Variants in ADAMTSL1 observed in about 807,000 individuals in gnomAD.
ADAMTSL1 encodes ADAMTS like 1.
ADAMTSL1 carries 126 observed loss-of-function variants against 201.8 expected under a neutral mutation model. That is an observed-to-expected ratio of 0.62 (90% CI 0.54 to 0.72). ADAMTSL1 has a LOEUF of 0.72. Among genes scored for constraint, ADAMTSL1 ranks in the 30% least tolerant of loss-of-function variants. The probability of loss-of-function intolerance (pLI) is 0.00; values close to 1 mark genes in which losing one functional copy is unlikely to be tolerated. For synonymous variants in ADAMTSL1, 1,121 were observed against 903.4 expected, an observed-to-expected ratio of 1.24 and a Z score of -4.32; for missense variants, 2,679 against 2,277.8, an observed-to-expected ratio of 1.18 and a Z score of -3.59.
intron 2 of ADAMTSL1, among the ~76,000 whole-genome samples, chr9:18,262,815 A>G (rs1369278777): frequency 6.6e-6 from 1 of 152,246 alleles, no homozygotes; most frequent in East Asian, 1.9e-4. Context: ...GACTATATGG[A>G]ATGTTCAAAT....
intron 1 of ADAMTSL1, among the ~76,000 whole-genome samples, chr9:18,127,922 G>C (rs188226046): frequency 6.6e-6 from 1 of 152,300 alleles, no homozygotes; most frequent in Admixed American, 6.5e-5. Context: ...CATGTAGCAT[G>C]TTAAGATAGG....
intron 16 of ADAMTSL1, among the ~76,000 whole-genome samples, chr9:18,762,039 T>G (rs1220466405): frequency 6.6e-6 from 1 of 152,246 alleles, no homozygotes; most frequent in African/African-American, 2.4e-5. Flanking sequence ...GTTTTACATC[T>G]TTTTAACATC....
rs151202001 is a variant in ADAMTSL1 at position 18,060,691 on chromosome 9, C to G, written c.88-103171C>G. ...CTACTGATTTTAGTCAGGTTAACTA[C>G]TATTAATAATTCGTCTCACCACTGC... On this transcript the variant is annotated intron_variant, in intron 1 of 29. Transcript: ENST00000680146. 4.8e-3 allele frequency among the ~76,000 whole-genome samples: 735 copies of G among 152,290 alleles called. 11 individuals are homozygous for G. Among genetic ancestry groups the G allele is most frequent in the African/African-American group, 0.017 (703 of 41,574 alleles).
intron 2 of ADAMTSL1, among the ~76,000 whole-genome samples, chr9:18,369,052 G>A (rs1836917096): frequency 6.6e-6 from 1 of 152,150 alleles, no homozygotes; most frequent in African/African-American, 2.4e-5. Flanking sequence ...AAAGGAACTG[G>A]AACTGTGTAA....
At chr9:18,181,574 A>T (rs1406227999) in intron 2 of ADAMTSL1, among the ~76,000 whole-genome samples, 4 of 152,168 alleles carry the variant, frequency 2.6e-5, no homozygotes, top group African/African-American at 7.2e-5. Context: ...ATGCAAATCA[A>T]AACCACAATG....
At position 18,664,174 on chromosome 9, in the gene ADAMTSL1, G is replaced by A. The variant is rs111444193; in HGVS notation, c.1085+2101G>A. 2.9e-3 allele frequency among the ~76,000 whole-genome samples: 444 copies of A among 152,108 alleles called. 7 individuals are homozygous for A. The highest frequency in any genetic ancestry group is 9.6e-3 in the African/African-American group (397 of 41,512). ...AAAGGTCTAAGGGACAGCTGCTTCC[G>A]AAAATGTAAGTACGCTACTCTGAGG... On this transcript the variant is annotated intron_variant, in intron 9 of 28. Transcript: ENST00000380548.
intron 23 of ADAMTSL1, among the ~76,000 whole-genome samples, chr9:18,874,204 G>A (rs1477954513): frequency 6.6e-6 from 1 of 152,052 alleles, no homozygotes; most frequent in Non-Finnish European, 1.5e-5. Flanking sequence ...AGAGTCTTTA[G>A]GGCTTTCTAG....
At chr9:18,854,923 T>C (rs1384678619) in intron 23 of ADAMTSL1, among the ~76,000 whole-genome samples, 1 of 152,214 alleles carries the variant, frequency 6.6e-6, no homozygotes, top group Non-Finnish European at 1.5e-5. Context: ...TAAATTATTT[T>C]GATCAGATTG....
chr9:18,316,424 G>C (rs987757001), intron 2 of ADAMTSL1, among the ~76,000 whole-genome samples: 1 of 151,912 alleles, frequency 6.6e-6, no homozygotes, highest in African/African-American at 2.4e-5. Context: ...GGGCACACCT[G>C]GGGGGGCCGT....
At chr9:18,593,459 C>G (rs1824054306) in intron 4 of ADAMTSL1, among the ~76,000 whole-genome samples, 1 of 151,870 alleles carries the variant, frequency 6.6e-6, no homozygotes, top group Admixed American at 6.5e-5. Flanking sequence ...GTTTGGTTTG[C>G]TCTTATTTTT....
intron 15 of ADAMTSL1, among the ~76,000 whole-genome samples, chr9:18,725,210 TTG>T (rs1319567473): frequency 2.0e-5 from 3 of 152,116 alleles, no homozygotes; most frequent in Non-Finnish European, 2.9e-5. Flanking sequence ...CCGGCCAGGA[TTG>T]AACCTTTTAT....
chr9:17,997,033 G>A (rs1416982619), intron 1 of ADAMTSL1, among the ~76,000 whole-genome samples: 1 of 152,110 alleles, frequency 6.6e-6, no homozygotes, highest in Non-Finnish European at 1.5e-5. Context: ...TGGGCATTTT[G>A]CCCAAAAATT....
At chr9:18,549,425 G>A (rs994722591) in intron 3 of ADAMTSL1, among the ~76,000 whole-genome samples, 3 of 151,932 alleles carry the variant, frequency 2.0e-5, no homozygotes, top group Admixed American at 6.6e-5. Context: ...ACAAAGATGA[G>A]CATTAACTAC....
chr9:18,693,333 A>G (rs187698074), intron 13 of ADAMTSL1, among the ~76,000 whole-genome samples: 7 of 152,348 alleles, frequency 4.6e-5, no homozygotes, highest in Non-Finnish European at 2.9e-5. Context: ...CTACATGACT[A>G]TCTAACAACC....
At chr9:17,979,193 C>T (rs1288919337) in intron 1 of ADAMTSL1, among the ~76,000 whole-genome samples, 1 of 152,056 alleles carries the variant, frequency 6.6e-6, no homozygotes, top group Non-Finnish European at 1.5e-5. Context: ...GATTCATAAA[C>T]CTGGATGTCC....
rs1021045196 is a variant in ADAMTSL1, at chr9:18,442,247, G to C, written c.208-62582G>C. On this transcript the variant is annotated intron_variant, in intron 2 of 29. Coordinates refer to the ADAMTSL1 transcript ENST00000680146. Reference sequence around the variant, plus strand: ...CAAAGTAACTTAGGATGTGTGATAAGTGTATATTTTTATCTACATAGCAGA... The same window carrying C: ...CAAAGTAACTTAGGATGTGTGATAACTGTATATTTTTATCTACATAGCAGA... Among the ~76,000 whole-genome samples the C allele has an allele frequency of 6.6e-5, 10 of 152,196 alleles. No individual in the cohort carries two copies. In the East Asian group the frequency reaches 1.9e-3, roughly 29 times the overall value.
intron 1 of ADAMTSL1, among the ~76,000 whole-genome samples, chr9:18,029,608 G>A (rs982771479): frequency 2.0e-5 from 3 of 151,946 alleles, no homozygotes; most frequent in Non-Finnish European, 2.9e-5. Context: ...GAGTGAACAG[G>A]CAACCTACAG....
chr9:18,106,948 C>T (rs1206833774), intron 1 of ADAMTSL1, among the ~76,000 whole-genome samples: 1 of 152,132 alleles, frequency 6.6e-6, no homozygotes, highest in Non-Finnish European at 1.5e-5. Flanking sequence ...CTGGCAATTC[C>T]CACATTGAAA....
intron 21 of ADAMTSL1, among the ~76,000 whole-genome samples, chr9:18,821,330 C>T (rs1824197303): frequency 1.3e-5 from 2 of 152,148 alleles, no homozygotes; most frequent in African/African-American, 2.4e-5. Flanking sequence ...TGCAGGGTCA[C>T]AGGATGCTGG....
Sources: allele counts gnomAD v4.1 joint callset (sites outside exome capture counted in the v4.1 genomes callset), GRCh38; gene constraint gnomAD v4.1.1; transcripts MANE v1.5; gene names NCBI Gene and HGNC (gene_info 2026-07-23, HGNC 2026-07-21).